TMEM74: variants seen among roughly 807,000 people sequenced by gnomAD.
TMEM74 encodes the protein transmembrane protein 74.
Under a neutral mutation model 18.1 loss-of-function variants are expected in TMEM74, and 13 were observed. That is an observed-to-expected ratio of 0.72 (90% CI 0.47 to 1.14). TMEM74 has a LOEUF of 1.14. TMEM74 is among the 50% of genes most tolerant of loss of function. The pLI, the probability that TMEM74 is intolerant of heterozygous loss-of-function variation, is 0.00. For synonymous variants in TMEM74, 159 were observed against 146.6 expected, an observed-to-expected ratio of 1.08 and a Z score of -0.61; for missense variants, 372 against 375.9, an observed-to-expected ratio of 0.99 and a Z score of 0.09.
intron 2 of TMEM74, among the ~76,000 whole-genome samples, chr8:108,620,046 A>G (rs1257556644): frequency 6.6e-6 from 1 of 152,014 alleles, no homozygotes; most frequent in East Asian, 1.9e-4. Flanking sequence ...TCTATTTGTC[A>G]TAGAGGTAGG....
intron 2 of TMEM74, among the ~76,000 whole-genome samples, chr8:108,635,692 T>A (rs962820100): frequency 3.4e-4 from 51 of 152,184 alleles, no homozygotes; most frequent in African/African-American, 1.2e-3. Flanking sequence ...AAACCAAAAA[T>A]CTCAGCTTAC....
Position 108,650,335 on chromosome 8 carries a change from C to T in TMEM74, n.264+4958G>A, listed in dbSNP as rs142371907. ...CTCTTTCTCCCTCCAACATTGTGCA[C>T]CTGCAATCTATTCTCAACACAGTAT... On this transcript the variant is annotated intron_variant and non_coding_transcript_variant, in intron 2 of 3. Coordinates refer to the TMEM74 transcript ENST00000518838. Among the ~76,000 whole-genome samples, 590 of 152,272 alleles carry T rather than the reference C, an allele frequency of 3.9e-3. 5 individuals are homozygous for T. Among genetic ancestry groups the T allele is most frequent in the African/African-American group, 0.013 (553 of 41,558 alleles).
intron 1 of TMEM74, among the ~76,000 whole-genome samples, chr8:108,768,863 G>A (rs1473913145): frequency 6.6e-6 from 1 of 152,154 alleles, no homozygotes. Flanking sequence ...CAAGGGGCAT[G>A]CCTTCTTTTC....
At chr8:108,707,584 C>T (rs1045226379) in intron 1 of TMEM74, among the ~76,000 whole-genome samples, 15 of 151,994 alleles carry the variant, frequency 9.9e-5, no homozygotes, top group African/African-American at 3.4e-4. Flanking sequence ...CAAAAATACA[C>T]GATGGAAAAA....
chr8:108,615,848 G>C (rs1037023664), intron 2 of TMEM74, among the ~76,000 whole-genome samples: 1 of 76,802 alleles, frequency 1.3e-5, no homozygotes, highest in African/African-American at 4.8e-5. Context: ...TTTTTGGCGT[G>C]ATCTCACTGC....
intron 1 of TMEM74, among the ~76,000 whole-genome samples, chr8:108,690,990 C>G (rs149583827): frequency 0.011 from 1,669 of 152,230 alleles, 18 homozygotes; most frequent in Middle Eastern, 0.031. Flanking sequence ...GGGTTTAAAC[C>G]AAGACACTTC....
chr8:108,747,124 C>T (rs537326301), intron 1 of TMEM74, among the ~76,000 whole-genome samples: 16 of 152,070 alleles, frequency 1.1e-4, no homozygotes, highest in Non-Finnish European at 1.5e-4. Flanking sequence ...GAAGTGGACA[C>T]AGTCTTGTGG....
chr8:108,753,176 T>A (rs947787892), intron 1 of TMEM74, among the ~76,000 whole-genome samples: 4 of 152,266 alleles, frequency 2.6e-5, no homozygotes, highest in African/African-American at 9.6e-5. Flanking sequence ...TTTTATTTCT[T>A]TAATCCTTTC....
intron 1 of TMEM74, among the ~76,000 whole-genome samples, chr8:108,709,015 T>TA (rs1051637860): frequency 3.2e-4 from 48 of 151,994 alleles, no homozygotes; most frequent in African/African-American, 1.1e-3. Context: ...ATGGCTACTA[T>TA]AAAAAAACAT....
chr8:108,635,645 C>A (rs73702118), intron 2 of TMEM74, among the ~76,000 whole-genome samples: 2,786 of 152,122 alleles, frequency 0.018, 87 homozygotes, highest in African/African-American at 0.063. Context: ...AGAAGGTTTG[C>A]AAATAGACTT....
At chr8:108,654,683 C>A (rs1397464550) in intron 2 of TMEM74, among the ~76,000 whole-genome samples, 1 of 151,886 alleles carries the variant, frequency 6.6e-6, no homozygotes, top group East Asian at 1.9e-4. Context: ...AAATTGCATT[C>A]TAATTATTAT....
At chr8:108,667,899 A>G (rs1211410895) in intron 1 of TMEM74, among the ~76,000 whole-genome samples, 1 of 152,024 alleles carries the variant, frequency 6.6e-6, no homozygotes, top group Non-Finnish European at 1.5e-5. Flanking sequence ...CTCCCATAAT[A>G]CTAAGAAGCA....
intron 1 of TMEM74, among the ~76,000 whole-genome samples, chr8:108,714,261 A>G (rs752628342): frequency 2.2e-4 from 33 of 152,264 alleles, no homozygotes; most frequent in Non-Finnish European, 4.3e-4. Context: ...GTAAAAATGT[A>G]TAGATATTCT....
intron 1 of TMEM74, among the ~76,000 whole-genome samples, chr8:108,724,683 C>T (rs1240706505): frequency 6.6e-6 from 1 of 152,002 alleles, no homozygotes; most frequent in African/African-American, 2.4e-5. Context: ...TTGCTTATAC[C>T]TAGACTAAAG....
In TMEM74 at chr8:108,617,354, GT is replaced by G. The variant is rs1317322232; in HGVS notation, n.265-8529del. Among the ~76,000 whole-genome samples, 10 of 152,104 alleles carry G rather than the reference GT, an allele frequency of 6.6e-5. No individual in the cohort carries two copies. The South Asian group carries it at 1.5e-3, about 22-fold the overall frequency. On this transcript the variant is annotated intron_variant and non_coding_transcript_variant, in intron 2 of 3. Transcript: ENST00000518838. ...CTCCTCTAGTTTTGATGAACTCAGT[GT>G]TAATGCTACTGATAACCTTTTTGTT...
rs1227543437 is a variant in TMEM74, at chr8:108,782,280, A to C, written c.*1901T>G. 2.0e-5 allele frequency among the ~76,000 whole-genome samples: 3 copies of C among 152,184 alleles called. No individual in the cohort carries two copies. The highest frequency in any genetic ancestry group is 4.4e-5 in the Non-Finnish European group (3 of 68,024). ...ATGAAATGAGAGTCACAGTAAAACA[A>C]AGTTTGTTCAAAAAGCACAAAAATA... On this transcript the variant is annotated 3_prime_UTR_variant, in exon 2 of 2. Transcript: ENST00000297459.
At chr8:108,732,493 G>A (rs1449962202) in intron 1 of TMEM74, among the ~76,000 whole-genome samples, 2 of 152,080 alleles carry the variant, frequency 1.3e-5, no homozygotes, top group Non-Finnish European at 2.9e-5. Context: ...TTCAAGATGT[G>A]TTACAAAGTT....
chr8:108,744,450 A>G (rs1442195303), intron 1 of TMEM74, among the ~76,000 whole-genome samples: 1 of 152,194 alleles, frequency 6.6e-6, no homozygotes, highest in Non-Finnish European at 1.5e-5. Flanking sequence ...TAGGAGGTTT[A>G]GTATTTATAC....
intron 1 of TMEM74, among the ~76,000 whole-genome samples, chr8:108,682,831 T>A (rs1032637107): frequency 5.3e-5 from 8 of 152,096 alleles, no homozygotes; most frequent in African/African-American, 1.9e-4. Context: ...CCTGCTGAAA[T>A]TGGAGTTTGA....
Sources: allele counts gnomAD v4.1 joint callset (sites outside exome capture counted in the v4.1 genomes callset), GRCh38; gene constraint gnomAD v4.1.1; transcripts MANE v1.5; gene names NCBI Gene and HGNC (gene_info 2026-07-23, HGNC 2026-07-21).